IPO11: variants seen among roughly 807,000 people sequenced by gnomAD.
IPO11 encodes the protein importin-11.
Under a neutral mutation model 143.2 loss-of-function variants are expected in IPO11, and 66 were observed. The observed-to-expected ratio is 0.46, with a 90% CI of 0.38 to 0.57. IPO11 has a LOEUF of 0.57. Ranked by LOEUF, IPO11 falls within the 20% of genes least tolerant of loss-of-function variation. The pLI is 0.00. For missense variants in IPO11, 1,026 were observed against 1,141.0 expected (o/e 0.90, Z 1.45); for synonymous variants, 385 against 377.8 (o/e 1.02, Z -0.22).
At chr5:62,416,634 T>G (rs1180996685) in intron 1 of IPO11, among the ~76,000 whole-genome samples, 1 of 152,206 alleles carries the variant, frequency 6.6e-6, no homozygotes, top group Non-Finnish European at 1.5e-5. Flanking sequence ...GGAACACAGT[T>G]CAATCCATAA....
intron 24 of IPO11, among the ~76,000 whole-genome samples, chr5:62,547,364 A>G (rs377180478): frequency 1.3e-5 from 2 of 152,136 alleles, no homozygotes; most frequent in East Asian, 3.8e-4. Context: ...TCGTCATGTC[A>G]GAGTGGAATG....
intron 1 of IPO11, among the ~76,000 whole-genome samples, chr5:62,426,316 G>C (rs1489065502): frequency 6.6e-6 from 1 of 152,196 alleles, no homozygotes; most frequent in Non-Finnish European, 1.5e-5. Flanking sequence ...GAACCCGGGA[G>C]GTGGAGCTTG....
intron 16 of IPO11, among the ~76,000 whole-genome samples, chr5:62,498,575 C>T (rs2112250547): frequency 6.6e-6 from 1 of 152,264 alleles, no homozygotes; most frequent in East Asian, 1.9e-4. Flanking sequence ...CTTTAAGTTT[C>T]AGAAATTCAA....
rs776054692 is a variant in IPO11, at chr5:62,487,763, C to T, written c.1219-8C>T. 13 of 1,550,688 alleles carry T rather than the reference C, an allele frequency of 8.4e-6. No individual in the cohort carries two copies. The highest frequency in any genetic ancestry group is 9.6e-6 in the Non-Finnish European group (11 of 1,149,624). On this transcript the variant is annotated splice_region_variant and splice_polypyrimidine_tract_variant and intron_variant, in intron 12 of 29. Transcript: ENST00000325324. ...TTTGATGAGAAATTTGTATTTTTCC[C>T]TCTCCAGCCATGCACTGAAGTATTA...
At chr5:62,478,447 G>A (rs776239268) in intron 9 of IPO11, among the ~76,000 whole-genome samples, 44 of 152,094 alleles carry the variant, frequency 2.9e-4, no homozygotes, top group Non-Finnish European at 5.0e-4. Flanking sequence ...GATTACAGGC[G>A]TGAGCCACCA....
chr5:62,530,557 T>C (rs1341035909), intron 21 of IPO11, 152 bp from the exon 22 acceptor site: 1 of 563,612 alleles, frequency 1.8e-6, no homozygotes, highest in Non-Finnish European at 3.2e-6. Flanking sequence ...TTGAGGCATT[T>C]GGTTAATTCT....
intron 29 of IPO11, among the ~76,000 whole-genome samples, chr5:62,610,670 AATCAAATG>A (rs1745894516): frequency 6.6e-6 from 1 of 152,228 alleles, no homozygotes; most frequent in African/African-American, 2.4e-5. Context: ...AAGTGATAAT[AATCAAATG>A]ATCAAGTAAT....
At chr5:62,415,771 T>A (rs1423279834) in intron 1 of IPO11, among the ~76,000 whole-genome samples, 2 of 152,004 alleles carry the variant, frequency 1.3e-5, no homozygotes, top group Non-Finnish European at 2.9e-5. Context: ...CCCGGCCCCC[T>A]CTTTACTCTT....
intron 1 of IPO11, among the ~76,000 whole-genome samples, chr5:62,435,432 T>A (rs247252): frequency 0.41 from 59,953 of 146,276 alleles, 12,397 homozygotes; most frequent in East Asian, 0.6. Flanking sequence ...CTACAAAAAA[T>A]AAAAAATAAA....
intron 24 of IPO11, 149 bp downstream of exon 24, chr5:62,537,438 C>G: frequency 1.8e-6 from 1 of 567,842 alleles, no homozygotes; most frequent in South Asian, 2.5e-5. Flanking sequence ...GGTTTAATAC[C>G]TGTGGACCAG....
intron 27 of IPO11, among the ~76,000 whole-genome samples, chr5:62,584,244 TCAAGC>T (rs1361731784): frequency 6.6e-6 from 1 of 152,064 alleles, no homozygotes; most frequent in Non-Finnish European, 1.5e-5. Flanking sequence ...ACGTTTGGTG[TCAAGC>T]TATTGATGAG....
chr5:62,515,410 T>G lies in IPO11; in HGVS notation c.1805T>G (p.Leu602Trp). Residue 602 changes from leucine to tryptophan, a missense_variant, in exon 20 of 30, where the codon TTG becomes TGG. This residue lies in a region of IPO11 where 237 missense variants were observed against 288.0 expected (regional missense o/e 0.82). Coordinates refer to ENST00000325324, the MANE Select transcript of IPO11 (RefSeq NM_016338.5). ...TAGATACGACCATATGTGGGATGTTTGGTACAATATTTGCCCCTCCTTTGG... is the reference window on the plus strand; with the variant it reads ...TAGATACGACCATATGTGGGATGTTGGGTACAATATTTGCCCCTCCTTTGG... The part of the protein sequence containing the change: ...NMQIRPYVGC[L>W]VQYLPLLWKQ... The G allele has an allele frequency of 6.2e-7, 1 of 1,608,868 alleles. No homozygotes were observed. Among genetic ancestry groups the G allele is most frequent in the African/African-American group, 1.3e-5 (1 of 74,826 alleles).
chr5:62,505,837 T>A (rs1307507058), intron 18 of IPO11, among the ~76,000 whole-genome samples: 1 of 152,100 alleles, frequency 6.6e-6, no homozygotes, highest in Admixed American at 6.5e-5. Flanking sequence ...AATTAACGTC[T>A]TTTTGCCGTA....
At chr5:62,567,541 A>G (rs1334929919) in intron 27 of IPO11, among the ~76,000 whole-genome samples, 3 of 137,766 alleles carry the variant, frequency 2.2e-5, no homozygotes, top group African/African-American at 8.3e-5. Flanking sequence ...CTTGAAGGTC[A>G]ATGACTCTTA....
At chr5:62,451,652 T>A in intron 4 of IPO11, 78 bp from the exon 5 acceptor site, 1 of 1,074,198 alleles carries the variant, frequency 9.3e-7, no homozygotes, top group Non-Finnish European at 1.4e-6. Flanking sequence ...AAGTGTATAA[T>A]TAACAAGGTG....
chr5:62,445,494 AT>A (rs200800457), intron 3 of IPO11, among the ~76,000 whole-genome samples: 22 of 149,794 alleles, frequency 1.5e-4, no homozygotes, highest in African/African-American at 4.2e-4. Context: ...TGATTTGATG[AT>A]TTTTTTTTTA....
At chr5:62,430,675 AC>A (rs1385750261) in intron 1 of IPO11, among the ~76,000 whole-genome samples, 5 of 150,672 alleles carry the variant, frequency 3.3e-5, no homozygotes, top group Non-Finnish European at 7.4e-5. Context: ...TAATTTAATT[AC>A]TTAATTTTTT....
chr5:62,424,687 C>G (rs905077184), intron 1 of IPO11, among the ~76,000 whole-genome samples: 1 of 151,792 alleles, frequency 6.6e-6, no homozygotes, highest in Non-Finnish European at 1.5e-5. Context: ...AGCAGTTCTC[C>G]TGCTTCTGCC....
chr5:62,438,864 CCTGA>C (rs1382549366), intron 2 of IPO11, among the ~76,000 whole-genome samples: 7 of 151,808 alleles, frequency 4.6e-5, no homozygotes, highest in South Asian at 2.1e-4. Flanking sequence ...TTGAGACCAT[CCTGA>C]CTAACACGGT....
Sources: gnomAD v4.1 joint callset for allele counts (sites outside exome capture counted in the v4.1 genomes callset) on GRCh38, gnomAD v4.1.1 for gene constraint, gnomAD v4.1.1 regional missense constraint, MANE v1.5 for transcripts, NCBI Gene and HGNC (gene_info 2026-07-23, HGNC 2026-07-21) for gene names.